LPA: variants seen among roughly 807,000 people sequenced by gnomAD.
The protein encoded by LPA is apolipoprotein(a).
In LPA, 199 loss-of-function variants were observed where a neutral mutation model predicts 197.9. That is an observed-to-expected ratio of 1.01 (90% CI 0.90 to 1.13). The LOEUF (loss-of-function observed/expected upper bound fraction) is 1.13, where lower values mean the gene tolerates loss of function less well. LPA is among the 50% of genes most tolerant of loss of function. The pLI is 0.00. For missense variants in LPA, 1,853 were observed against 1,785.8 expected, an observed-to-expected ratio of 1.04 and a Z score of -0.68; for synonymous variants, 715 against 639.5, an observed-to-expected ratio of 1.12 and a Z score of -1.78.
At chr6:160,649,867 G>A (rs1779971751) in intron 2 of LPA, among the ~76,000 whole-genome samples, 1 of 152,088 alleles carries the variant, frequency 6.6e-6, no homozygotes, top group Non-Finnish European at 1.5e-5. Context: ...TGGTGCTCAG[G>A]ACCCAGGGTG....
chr6:160,603,597 C>A (rs946189610), intron 18 of LPA, among the ~76,000 whole-genome samples: 1 of 152,096 alleles, frequency 6.6e-6, no homozygotes, highest in Non-Finnish European at 1.5e-5. Context: ...TCTGTCATTT[C>A]TAGGTCTATT....
At position 160,532,011 on chromosome 6, in the gene LPA, A is replaced by G. The variant is rs151057029; in HGVS notation, c.5962-121T>C. ...AGTAATTCAAATCAGAAAGGAACTT[A>G]TGAGCATATTACTCAAGCATCTGCA... On this transcript the variant is annotated intron_variant, in intron 38 of 38. Transcript: ENST00000316300. 970 of 1,127,894 alleles carry G rather than the reference A, an allele frequency of 8.6e-4. 14 individuals are homozygous for G. The East Asian group carries it at 0.02, about 23-fold the overall frequency. The allele number at this position is 1,127,894 out of a possible 1,614,324, so 69.9% of individuals were successfully genotyped here. A position where few individuals can be genotyped will look rare whatever the true frequency, so the allele number is the denominator to read the frequency against.
At chr6:160,551,270 T>C (rs927645596) in intron 30 of LPA, among the ~76,000 whole-genome samples, 1 of 152,226 alleles carries the variant, frequency 6.6e-6, no homozygotes, top group East Asian at 1.9e-4. Flanking sequence ...ATGATGATTA[T>C]AACTCTTTAT....
intron 1 of LPA, among the ~76,000 whole-genome samples, chr6:160,651,176 T>A (rs1018847608): frequency 6.6e-6 from 1 of 152,184 alleles, no homozygotes; most frequent in African/African-American, 2.4e-5. Flanking sequence ...ATGCATTCCC[T>A]TCAAAGCCCT....
In LPA at chr6:160,598,623, T is replaced by C. The variant is rs901805000; in HGVS notation, c.3287+877A>G. 5.0e-4 allele frequency among the ~76,000 whole-genome samples: 76 copies of C among 152,314 alleles called. 1 individual carries two copies. The highest frequency in any genetic ancestry group is 1.7e-3 in the African/African-American group (72 of 41,570). On this transcript the variant is annotated intron_variant, in intron 20 of 38. Transcript: ENST00000316300. ...TAGAATGGCCAGATCATGGCTTCTGTCCATCTACCCGCCCCTTTTACTTTT... is the reference window on the plus strand; with the variant it reads ...TAGAATGGCCAGATCATGGCTTCTGCCCATCTACCCGCCCCTTTTACTTTT...
At chr6:160,654,044 ATATATAATATAT>A in intron 1 of LPA, among the ~76,000 whole-genome samples, 1 of 7,480 alleles carries the variant, frequency 1.3e-4, no homozygotes, top group Admixed American at 2.7e-3. Flanking sequence ...ATTATATATA[ATATATAATATAT>A]TATATATATT....
intron 20 of LPA, among the ~76,000 whole-genome samples, chr6:160,597,426 A>G (rs1430666164): frequency 1.3e-5 from 2 of 152,134 alleles, no homozygotes; most frequent in Non-Finnish European, 2.9e-5. Context: ...TCTATGTTTC[A>G]ATGCTCGTGT....
At chr6:160,593,912 T>A (rs985419687) in intron 22 of LPA, 46 bp downstream of exon 22, 1 of 1,609,552 alleles carries the variant, frequency 6.2e-7, no homozygotes, top group South Asian at 1.1e-5. Flanking sequence ...CCAAGAGAAA[T>A]GTAAGGGGGC....
chr6:160,650,429 A>G lies in LPA; in HGVS notation c.118T>C (p.Tyr40His). ...HGDGQSYRGT[Y>H]STTVTGRTCQ... ...GTCCTTCCTGTGACAGTGGTGGAGTACGTGCCTCGATAACTCTGTCCATCA... is the reference window on the plus strand; with the variant it reads ...GTCCTTCCTGTGACAGTGGTGGAGTGCGTGCCTCGATAACTCTGTCCATCA... The change falls in exon 2 of 39, where the codon TAC becomes CAC. Residue 40 changes from tyrosine to histidine, a missense_variant. Coordinates refer to ENST00000316300, the MANE Select transcript of LPA (RefSeq NM_005577.4). 6.2e-7 allele frequency: 1 copy of G among 1,613,884 alleles called. No homozygotes were observed. Among genetic ancestry groups the G allele is most frequent in the Non-Finnish European group, 8.5e-7 (1 of 1,179,794 alleles).
chr6:160,647,807 A>C (rs1357371848), intron 2 of LPA, among the ~76,000 whole-genome samples: 1 of 152,220 alleles, frequency 6.6e-6, no homozygotes, highest in Non-Finnish European at 1.5e-5. Flanking sequence ...AGTTAAATAT[A>C]TTGGTATCAT....
intron 28 of LPA, among the ~76,000 whole-genome samples, chr6:160,568,242 A>G (rs1378739153): frequency 6.6e-6 from 1 of 152,216 alleles, no homozygotes; most frequent in Non-Finnish European, 1.5e-5. Flanking sequence ...ATCCTCAATA[A>G]AATACTGGCA....
chr6:160,592,445 T>A (rs1478840117), intron 22 of LPA, among the ~76,000 whole-genome samples: 1 of 152,222 alleles, frequency 6.6e-6, no homozygotes, highest in Non-Finnish European at 1.5e-5. Flanking sequence ...CATGGTCAGC[T>A]TTTGCTGACA....
At chr6:160,559,750 G>A (rs1778330569) in intron 28 of LPA, among the ~76,000 whole-genome samples, 1 of 152,102 alleles carries the variant, frequency 6.6e-6, no homozygotes, top group South Asian at 2.1e-4. Context: ...TCTCCTGAAG[G>A]CAGCAGATGG....
Position 160,595,338 on chromosome 6 carries a change from G to T in LPA, c.3469+16C>A. 6.2e-7 allele frequency: 1 copy of T among 1,610,818 alleles called. No individual in the cohort carries two copies. The highest frequency in any genetic ancestry group is 8.5e-7 in the Non-Finnish European group (1 of 1,179,754). ...CAACGTCCTAGGGTGTGGTTGTCTG[G>T]CCATAGACTTCCTACCTTCTTCAGA... On this transcript the variant is annotated intron_variant, in intron 21 of 38. Coordinates refer to ENST00000316300, the MANE Select transcript of LPA (RefSeq NM_005577.4).
Position 160,580,985 on chromosome 6 carries a change from T to C in LPA, c.4290-2281A>G, listed in dbSNP as rs146904681. 4.6e-4 allele frequency among the ~76,000 whole-genome samples: 69 copies of C among 151,580 alleles called. 1 individual carries two copies. The Middle Eastern group carries it at 0.011, about 24-fold the overall frequency. Reference sequence around the variant, plus strand: ...GTTCTTCCCTCAAAAAATTTTTCCTTCTCCAAGGTTATAAGATACTATACT... The same window carrying C: ...GTTCTTCCCTCAAAAAATTTTTCCTCCTCCAAGGTTATAAGATACTATACT... On this transcript the variant is annotated intron_variant, in intron 26 of 38. Coordinates refer to ENST00000316300, the MANE Select transcript of LPA (RefSeq NM_005577.4).
intron 1 of LPA, among the ~76,000 whole-genome samples, chr6:160,658,094 C>A (rs2115110138): frequency 6.6e-6 from 1 of 152,258 alleles, no homozygotes; most frequent in Admixed American, 6.5e-5. Context: ...CATCCTCAGA[C>A]AAAGGTGGAA....
chr6:160,652,087 A>G (rs1337623353), intron 1 of LPA, among the ~76,000 whole-genome samples: 5 of 151,648 alleles, frequency 3.3e-5, no homozygotes, highest in Admixed American at 1.3e-4. Context: ...TTGAATACTT[A>G]CAGTCCAAAA....
chr6:160,603,257 T>TGTGTGTGTGTGTGC (rs1221614109), intron 18 of LPA, among the ~76,000 whole-genome samples: 3 of 151,760 alleles, frequency 2.0e-5, no homozygotes, highest in Non-Finnish European at 4.4e-5. Flanking sequence ...TGTGTGTGTG[T>TGTGTGTGTGTGTGC]GTGCGTGCAT....
At chr6:160,541,008 G>A in intron 35 of LPA, 99 bp downstream of exon 35, 1 of 975,374 alleles carries the variant, frequency 1.0e-6, no homozygotes, top group African/African-American at 1.6e-5. Context: ...AGGTGGGGAG[G>A]AAGGAAGGGG....
Sources: gnomAD v4.1 joint callset for allele counts (sites outside exome capture counted in the v4.1 genomes callset) on GRCh38, gnomAD v4.1.1 for gene constraint, MANE v1.5 for transcripts, NCBI Gene and HGNC (gene_info 2026-07-23, HGNC 2026-07-21) for gene names.